The following TMEM132D variants were observed in gnomAD, a reference collection of about 807,000 sequenced individuals.
The protein encoded by TMEM132D is mature OL transmembrane protein.
TMEM132D carries 21 observed loss-of-function variants against 62.3 expected under a neutral mutation model. The observed-to-expected ratio is 0.34, with a 90% confidence interval of 0.24 to 0.49. TMEM132D has a LOEUF of 0.49. TMEM132D is among the 20% of genes least tolerant of loss of function. The pLI, the probability that TMEM132D is intolerant of heterozygous loss-of-function variation, is 0.99. For synonymous variants in TMEM132D, 621 were observed against 575.6 expected (o/e 1.08, Z -1.13); for missense variants, 1,346 against 1,402.8 (o/e 0.96, Z 0.65).
intron 2 of TMEM132D, among the ~76,000 whole-genome samples, chr12:129,597,379 T>C (rs1342729888): frequency 6.6e-6 from 1 of 152,224 alleles, no homozygotes; most frequent in Admixed American, 6.5e-5. Flanking sequence ...AAAAAGTATT[T>C]ATAAATAAAA....
At chr12:129,486,899 T>C (rs111524876) in intron 3 of TMEM132D, among the ~76,000 whole-genome samples, 4 of 152,318 alleles carry the variant, frequency 2.6e-5, no homozygotes, top group African/African-American at 7.2e-5. Flanking sequence ...TAAGTCCTTG[T>C]CTTCATAGAG....
intron 2 of TMEM132D, among the ~76,000 whole-genome samples, chr12:129,670,210 T>A (rs904916212): frequency 6.6e-6 from 1 of 152,194 alleles, no homozygotes; most frequent in Non-Finnish European, 1.5e-5. Context: ...TGAACTAACT[T>A]TGGGAGAAAC....
intron 4 of TMEM132D, among the ~76,000 whole-genome samples, chr12:129,218,523 C>G (rs1312539231): frequency 6.6e-6 from 1 of 152,072 alleles, no homozygotes; most frequent in Non-Finnish European, 1.5e-5. Context: ...TGTATCTCAA[C>G]ATAGAAAACT....
intron 3 of TMEM132D, among the ~76,000 whole-genome samples, chr12:129,348,542 C>G (rs376339409): frequency 3.3e-5 from 5 of 152,038 alleles, no homozygotes; most frequent in African/African-American, 7.2e-5. Context: ...ACATCACCCA[C>G]CAGGGCCTGT....
At chr12:129,556,084 C>T (rs775079414) in intron 2 of TMEM132D, among the ~76,000 whole-genome samples, 16 of 152,178 alleles carry the variant, frequency 1.1e-4, no homozygotes, top group Admixed American at 3.3e-4. Context: ...CAACGCAAAG[C>T]ATGGAACAGG....
chr12:129,729,563 T>G (rs893384802), intron 1 of TMEM132D, among the ~76,000 whole-genome samples: 3 of 152,182 alleles, frequency 2.0e-5, no homozygotes, highest in African/African-American at 7.2e-5. Flanking sequence ...ATTGCATTTT[T>G]TTTCCAGCTC....
chr12:129,830,302 A>T (rs951838432), intron 1 of TMEM132D, among the ~76,000 whole-genome samples: 1 of 152,202 alleles, frequency 6.6e-6, no homozygotes, highest in Non-Finnish European at 1.5e-5. Flanking sequence ...TATATCATCC[A>T]GAAGAGCTGT....
intron 2 of TMEM132D, among the ~76,000 whole-genome samples, chr12:129,567,632 T>A (rs1033451247): frequency 6.6e-6 from 1 of 152,192 alleles, no homozygotes; most frequent in Non-Finnish European, 1.5e-5. Context: ...TTTACGAAAT[T>A]GTAAACAGTA....
At chr12:129,432,857 T>C (rs2135717296) in intron 3 of TMEM132D, among the ~76,000 whole-genome samples, 1 of 152,272 alleles carries the variant, frequency 6.6e-6, no homozygotes, top group Middle Eastern at 3.4e-3. Context: ...AGGTGAACAA[T>C]GTTACAGATC....
intron 3 of TMEM132D, among the ~76,000 whole-genome samples, chr12:129,366,411 C>G (rs1870414672): frequency 1.3e-5 from 2 of 152,196 alleles, no homozygotes; most frequent in South Asian, 2.1e-4. Context: ...CTCCCTCTCT[C>G]TTGCTCCTGC....
chr12:129,238,996 G>GGTTTTTTTTTTTTTTTTT (rs374959544), intron 4 of TMEM132D, among the ~76,000 whole-genome samples: 2 of 133,046 alleles, frequency 1.5e-5, no homozygotes, highest in Non-Finnish European at 1.6e-5. Flanking sequence ...GTTATTTTCT[G>GGTTTTTTTTTTTTTTTTT]TTTTTTTTTT....
chr12:129,443,209 C>A (rs1872990381), intron 3 of TMEM132D, among the ~76,000 whole-genome samples: 1 of 152,180 alleles, frequency 6.6e-6, no homozygotes, highest in Non-Finnish European at 1.5e-5. Context: ...AAGCACCCTG[C>A]ACACAAATCT....
intron 8 of TMEM132D, among the ~76,000 whole-genome samples, chr12:129,075,426 T>C (rs1188170486): frequency 1.1e-4 from 16 of 152,102 alleles, no homozygotes. Flanking sequence ...AGGAAATTAC[T>C]GGTTAGTGGA....
At chr12:129,665,169 G>A (rs550427892) in intron 2 of TMEM132D, among the ~76,000 whole-genome samples, 1 of 152,130 alleles carries the variant, frequency 6.6e-6, no homozygotes, top group South Asian at 2.1e-4. Context: ...TACCAGTGAG[G>A]TCCCCAGCTT....
intron 1 of TMEM132D, among the ~76,000 whole-genome samples, chr12:129,724,185 C>T (rs1348509921): frequency 3.3e-5 from 5 of 152,088 alleles, no homozygotes; most frequent in Admixed American, 6.5e-5. Context: ...TTCTGTAGAG[C>T]CGACTATCAT....
chr12:129,878,096 A>G (rs1476983379), intron 1 of TMEM132D, among the ~76,000 whole-genome samples: 1 of 152,142 alleles, frequency 6.6e-6, no homozygotes, highest in Admixed American at 6.5e-5. Context: ...TTGAAAACGG[A>G]TTTATTTAAA....
intron 3 of TMEM132D, among the ~76,000 whole-genome samples, chr12:129,360,195 A>G (rs1870201926): frequency 6.6e-6 from 1 of 152,148 alleles, no homozygotes; most frequent in Non-Finnish European, 1.5e-5. Context: ...GATGACAGCC[A>G]GAGACACACC....
intron 3 of TMEM132D, among the ~76,000 whole-genome samples, chr12:129,505,554 A>G (rs1875305564): frequency 6.6e-6 from 1 of 152,044 alleles, no homozygotes; most frequent in South Asian, 2.1e-4. Context: ...GTTCCAAGGT[A>G]TAGTTTAAGT....
At chr12:129,413,336 T>C (rs1872024157) in intron 3 of TMEM132D, among the ~76,000 whole-genome samples, 1 of 152,208 alleles carries the variant, frequency 6.6e-6, no homozygotes, top group South Asian at 2.1e-4. Context: ...ATTTTCTCTC[T>C]TGCCTGCCAC....
Sources: gnomAD v4.1 joint callset for allele counts (sites outside exome capture counted in the v4.1 genomes callset) on GRCh38, gnomAD v4.1.1 for gene constraint, MANE v1.5 for transcripts, NCBI Gene and HGNC (gene_info 2026-07-23, HGNC 2026-07-21) for gene names.